MTF2: variants seen among roughly 807,000 people sequenced by gnomAD.
MTF2 encodes the protein metal response element binding transcription factor 2.
Under a neutral mutation model 79.5 loss-of-function variants are expected in MTF2, and 11 were observed. The ratio of observed to expected loss-of-function variants is 0.14; its 90% CI spans 0.09 to 0.23. MTF2 has a LOEUF of 0.23. MTF2 is among the 10% of genes least tolerant of loss of function. MTF2 has a pLI of 1.00. For synonymous variants in MTF2, 208 were observed against 232.8 expected, an observed-to-expected ratio of 0.89 and a Z score of 0.97; for missense variants, 486 against 711.2, an observed-to-expected ratio of 0.68 and a Z score of 3.60.
rs1466288757 is a variant in MTF2, at chr1:93,137,529, A to G, written c.*502A>G. On this transcript the variant is annotated 3_prime_UTR_variant, in exon 15 of 15. Transcript: ENST00000370298. Reference sequence around the variant, plus strand: ...TGTAAAATATTGAAATTTTCTTTCAAGCAAAGTGTAAAAAAATATATTGAG... The same window carrying G: ...TGTAAAATATTGAAATTTTCTTTCAGGCAAAGTGTAAAAAAATATATTGAG... 1 of 153,720 alleles carries G rather than the reference A, an allele frequency of 6.5e-6. No individual in the cohort carries two copies. The highest frequency in any genetic ancestry group is 1.5e-5 in the Non-Finnish European group (1 of 68,772). 9.5% of individuals were successfully genotyped at this position (153,720 alleles called of 1,614,324 possible). A position where few individuals can be genotyped will look rare whatever the true frequency, so the allele number is the denominator to read the frequency against.
intron 1 of MTF2, among the ~76,000 whole-genome samples, chr1:93,089,299 G>A (rs903804786): frequency 2.0e-5 from 3 of 152,088 alleles, no homozygotes; most frequent in Non-Finnish European, 4.4e-5. Context: ...TAGAATATGT[G>A]CTTTTATAGG....
At chr1:93,134,420 T>C (rs1449927066) in intron 14 of MTF2, 3 of 502,782 alleles carry the variant, frequency 6.0e-6, no homozygotes, top group African/African-American at 4.0e-5. Flanking sequence ...TGTGGAAATT[T>C]GCTGTGTACA....
chr1:93,099,603 G>C (rs1429199692), intron 1 of MTF2, among the ~76,000 whole-genome samples: 1 of 152,166 alleles, frequency 6.6e-6, no homozygotes, highest in East Asian at 1.9e-4. Context: ...TTGGTCAATT[G>C]TGAGGGTGGG....
chr1:93,084,687 C>G (rs1298468682), intron 1 of MTF2, among the ~76,000 whole-genome samples: 2 of 152,038 alleles, frequency 1.3e-5, no homozygotes, highest in African/African-American at 4.8e-5. Flanking sequence ...TTTCATTGTA[C>G]AATTCTCGAA....
chr1:93,097,888 A>G (rs1351053729), intron 1 of MTF2, among the ~76,000 whole-genome samples: 1 of 152,050 alleles, frequency 6.6e-6, no homozygotes, highest in African/African-American at 2.4e-5. Flanking sequence ...ATGAGCCACC[A>G]TGCCTGGGCC....
intron 1 of MTF2, among the ~76,000 whole-genome samples, chr1:93,106,691 G>T (rs1164314716): frequency 1.3e-5 from 2 of 152,142 alleles, no homozygotes; most frequent in East Asian, 3.9e-4. Flanking sequence ...GGCTAATTTT[G>T]TATTTTTAGT....
intron 11 of MTF2, among the ~76,000 whole-genome samples, chr1:93,132,256 A>C (rs918233318): frequency 6.6e-6 from 1 of 152,216 alleles, no homozygotes; most frequent in Non-Finnish European, 1.5e-5. Flanking sequence ...CTACTAATTA[A>C]GTTTTCTTTG....
At chr1:93,096,280 A>G (rs187176274) in intron 1 of MTF2, among the ~76,000 whole-genome samples, 1 of 152,174 alleles carries the variant, frequency 6.6e-6, no homozygotes, top group African/African-American at 2.4e-5. Flanking sequence ...TTACTCTCCT[A>G]TCTTAATACA....
intron 1 of MTF2, among the ~76,000 whole-genome samples, chr1:93,090,026 G>T (rs1655009478): frequency 6.6e-6 from 1 of 151,954 alleles, no homozygotes. Flanking sequence ...CCCCGGGCTG[G>T]AGCGCGGTAG....
At position 93,134,834 on chromosome 1, in the gene MTF2, TAA is replaced by T. The variant is rs11285300; in HGVS notation, c.1424+655_1424+656del. Among the ~76,000 whole-genome samples the T allele has an allele frequency of 5.0e-3, 717 of 143,952 alleles. 4 individuals are homozygous for T. The highest frequency in any genetic ancestry group is 0.031 in the South Asian group (139 of 4,508). 94.4% of individuals were successfully genotyped at this position (143,952 alleles called of 152,430 possible). A position where few individuals can be genotyped will look rare whatever the true frequency, so the allele number is the denominator to read the frequency against. On this transcript the variant is annotated intron_variant, in intron 14 of 14. Transcript: ENST00000370298. Reference sequence around the variant, plus strand: ...CCACTACAGCTGGCCAAGATTTGATTAAAAAAAAAAAAAAAAATCAGACACCT... The same window carrying T: ...CCACTACAGCTGGCCAAGATTTGATTAAAAAAAAAAAAAAATCAGACACCT...
rs1397671242 is a variant in MTF2, at chr1:93,134,209, A to G, written c.1424+14A>G. On this transcript the variant is annotated intron_variant, in intron 14 of 14. Transcript: ENST00000370298. The stretch of plus-strand genomic sequence containing the variant: ...CAGGCATTATGGGTAGATATTTTAC[A>G]TTCTTATTTTTTTTACTTTTTTTAC... 16 of 1,550,242 alleles carry G rather than the reference A, an allele frequency of 1.0e-5. No individual in the cohort carries two copies. The highest frequency in any genetic ancestry group is 1.4e-5 in the African/African-American group (1 of 72,302).
chr1:93,109,478 T>C (rs540903337), intron 1 of MTF2, among the ~76,000 whole-genome samples: 33 of 152,098 alleles, frequency 2.2e-4, no homozygotes, highest in African/African-American at 7.0e-4. Flanking sequence ...GCATCACAGG[T>C]GTGTACCACC....
intron 1 of MTF2, among the ~76,000 whole-genome samples, chr1:93,081,747 A>G (rs1217284062): frequency 2.0e-5 from 3 of 152,216 alleles, no homozygotes; most frequent in Non-Finnish European, 4.4e-5. Context: ...CACTAGCTGC[A>G]TGTGGGTATT....
chr1:93,086,855 A>G (rs886417166), intron 1 of MTF2, among the ~76,000 whole-genome samples: 3 of 152,240 alleles, frequency 2.0e-5, no homozygotes, highest in Admixed American at 6.5e-5. Context: ...GCAGACAGCT[A>G]CAGGTTGAAT....
Position 93,133,711 on chromosome 1 carries a change from G to T in MTF2, c.1169G>T (p.Ser390Ile). The change falls in exon 12 of 15, where the codon AGC (serine) becomes ATC (isoleucine). Residue 390 changes from serine to isoleucine, a missense_variant. Physicochemically the swap from Ser to Ile is moderately radical, Grantham distance 142. Coordinates refer to ENST00000370298, the MANE Select transcript of MTF2 (RefSeq NM_007358.4). ...SKPISDSREV[S>I]NGIEKKGKKK... Reference sequence around the variant, plus strand: ...ATGGTTTTCCATTTCAGGGAAGTAAGCAATGGCATAGAAAAAAAAGGAAAG... The same window carrying T: ...ATGGTTTTCCATTTCAGGGAAGTAATCAATGGCATAGAAAAAAAAGGAAAG... 1 of 1,608,666 alleles carries T rather than the reference G, an allele frequency of 6.2e-7. No homozygotes were observed. The highest frequency in any genetic ancestry group is 8.5e-7 in the Non-Finnish European group (1 of 1,177,384).
intron 1 of MTF2, among the ~76,000 whole-genome samples, chr1:93,109,766 CCTTT>C (rs1363130410): frequency 6.6e-6 from 1 of 152,154 alleles, no homozygotes; most frequent in Non-Finnish European, 1.5e-5. Context: ...GACTGCCCTT[CCTTT>C]GAGTGTGAAG....
chr1:93,106,764 G>T (rs1372556237), intron 1 of MTF2, among the ~76,000 whole-genome samples: 1 of 152,256 alleles, frequency 6.6e-6, no homozygotes, highest in East Asian at 1.9e-4. Flanking sequence ...CAGGTGATCT[G>T]CCCACCTCGG....
At chr1:93,111,776 A>G (rs1368897060) in intron 3 of MTF2, among the ~76,000 whole-genome samples, 2 of 152,150 alleles carry the variant, frequency 1.3e-5, no homozygotes, top group Admixed American at 1.3e-4. Context: ...CTCCAACACT[A>G]CTAATATTGA....
intron 5 of MTF2, 113 bp downstream of exon 5, chr1:93,115,201 G>C (rs966501221): frequency 3.8e-6 from 3 of 782,264 alleles, no homozygotes; most frequent in Admixed American, 2.7e-5. Flanking sequence ...TGAATGCTGG[G>C]TAGAAAGAGG....
Sources: allele counts gnomAD v4.1 joint callset (sites outside exome capture counted in the v4.1 genomes callset), GRCh38; gene constraint gnomAD v4.1.1; transcripts MANE v1.5; gene names NCBI Gene and HGNC (gene_info 2026-07-23, HGNC 2026-07-21).